The following SLC1A2 variants were observed in gnomAD, a reference collection of about 807,000 sequenced individuals.
The protein encoded by SLC1A2 is excitatory amino acid transporter 2.
In SLC1A2, 15 loss-of-function variants were observed where a neutral mutation model predicts 48.8. That is an observed-to-expected ratio of 0.31 (90% CI 0.21 to 0.47). The LOEUF (loss-of-function observed/expected upper bound fraction) is 0.47. SLC1A2 is among the 20% of genes least tolerant of loss of function. The pLI is 0.99. For synonymous variants in SLC1A2, 279 were observed against 272.6 expected (o/e 1.02, Z -0.23); for missense variants, 502 against 730.5 (o/e 0.69, Z 3.61).
chr11:35,311,754 G>T (rs1270423357), intron 4 of SLC1A2, among the ~76,000 whole-genome samples: 1 of 151,764 alleles, frequency 6.6e-6, no homozygotes, highest in African/African-American at 2.4e-5. Flanking sequence ...CCACGTTTGA[G>T]AACCACTGTG....
chr11:35,317,811 T>G (rs1247421939), intron 1 of SLC1A2, among the ~76,000 whole-genome samples: 1 of 152,198 alleles, frequency 6.6e-6, no homozygotes, highest in South Asian at 2.1e-4. Flanking sequence ...GAGCCTTTAC[T>G]TGAGTCTTGA....
At chr11:35,403,901 CAT>C (rs1471461846) in intron 1 of SLC1A2, among the ~76,000 whole-genome samples, 1 of 152,232 alleles carries the variant, frequency 6.6e-6, no homozygotes, top group Non-Finnish European at 1.5e-5. Flanking sequence ...GGAACATCTT[CAT>C]CTTGCTGGCT....
chr11:35,394,217 A>T (rs1854880433), intron 1 of SLC1A2, among the ~76,000 whole-genome samples: 1 of 151,996 alleles, frequency 6.6e-6, no homozygotes, highest in Admixed American at 6.6e-5. Flanking sequence ...GTTGCAGCAA[A>T]GGCCTGAGGT....
chr11:35,284,103 ATATATATAAAT>A (rs1359579515), intron 8 of SLC1A2, among the ~76,000 whole-genome samples: 8 of 143,266 alleles, frequency 5.6e-5, no homozygotes, highest in Non-Finnish European at 1.2e-4. Flanking sequence ...ATATATATAT[ATATATATAAAT>A]TATTATTTTG....
chr11:35,368,397 G>T (rs1223259631), intron 1 of SLC1A2, among the ~76,000 whole-genome samples: 1 of 152,138 alleles, frequency 6.6e-6, no homozygotes, highest in Admixed American at 6.5e-5. Flanking sequence ...CTGCAAAATG[G>T]GGATAATCAT....
At position 35,255,121 on chromosome 11, in the gene SLC1A2, A is replaced by AG. The variant is rs1383396976; in HGVS notation, c.*5772dup. The AG allele has an allele frequency of 2.6e-5, 7 of 265,810 alleles. No individual in the cohort carries two copies. The highest frequency in any genetic ancestry group is 5.2e-5 in the Non-Finnish European group (7 of 135,884). 16.5% of individuals were successfully genotyped at this position (265,810 alleles called of 1,614,324 possible). A position where few individuals can be genotyped will look rare whatever the true frequency, so the allele number is the denominator to read the frequency against. Reference sequence around the variant, plus strand: ...ACATCTTGCCCTTGCAAACCTGAAGAGCTGAAGTCTTCTCTGACAACAAAG... The same window carrying AG: ...ACATCTTGCCCTTGCAAACCTGAAGAGGCTGAAGTCTTCTCTGACAACAAAG... On this transcript the variant is annotated 3_prime_UTR_variant, in exon 11 of 11. Transcript: ENST00000278379.
chr11:35,410,368 C>T (rs1855422943), intron 1 of SLC1A2, among the ~76,000 whole-genome samples: 1 of 152,178 alleles, frequency 6.6e-6, no homozygotes, highest in Non-Finnish European at 1.5e-5. Context: ...AACAATAGAT[C>T]ACTTAATGTT....
At chr11:35,392,949 T>TA (rs1164080238) in intron 1 of SLC1A2, among the ~76,000 whole-genome samples, 2 of 152,354 alleles carry the variant, frequency 1.3e-5, no homozygotes, top group South Asian at 2.1e-4. Flanking sequence ...AGCACCTATA[T>TA]ACCTATATGT....
intron 1 of SLC1A2, among the ~76,000 whole-genome samples, chr11:35,337,188 G>C (rs1377327076): frequency 6.6e-6 from 1 of 152,032 alleles, no homozygotes. Context: ...ACTGAGTACA[G>C]AGAAAAGTGC....
chr11:35,358,133 G>C (rs897099794), intron 1 of SLC1A2, among the ~76,000 whole-genome samples: 5 of 150,882 alleles, frequency 3.3e-5, no homozygotes, highest in African/African-American at 1.2e-4. Flanking sequence ...AACAGAGCAA[G>C]ACTCCGTCTA....
At chr11:35,344,207 T>C (rs1013754214) in intron 1 of SLC1A2, among the ~76,000 whole-genome samples, 2 of 152,192 alleles carry the variant, frequency 1.3e-5, no homozygotes, top group African/African-American at 2.4e-5. Flanking sequence ...GAGGCTTACA[T>C]ACTGAAAGAG....
At chr11:35,345,415 T>A (rs1193316572) in intron 1 of SLC1A2, among the ~76,000 whole-genome samples, 3 of 152,356 alleles carry the variant, frequency 2.0e-5, no homozygotes, top group Middle Eastern at 3.4e-3. Flanking sequence ...TTGCACTGTC[T>A]GAAGATCACA....
chr11:35,406,799 A>G (rs1345986998), intron 1 of SLC1A2, among the ~76,000 whole-genome samples: 2 of 152,196 alleles, frequency 1.3e-5, no homozygotes, highest in East Asian at 3.8e-4. Context: ...ACATCTATGC[A>G]TTGCACAAAT....
upstream of SLC1A2, chr11:35,420,183 C>A (rs1172710648): frequency 1.6e-5 from 3 of 185,964 alleles, no homozygotes; most frequent in Non-Finnish European, 3.4e-5. Flanking sequence ...TCGTGGGTGC[C>A]GGCTGAGAAG....
intron 8 of SLC1A2, 109 bp from the exon 9 acceptor site, chr11:35,281,110 A>C: frequency 7.1e-7 from 1 of 1,401,536 alleles, no homozygotes; most frequent in Non-Finnish European, 9.4e-7. Context: ...TCATCCCCCA[A>C]CCCCCACCCC....
chr11:35,323,171 C>T (rs1490356962), intron 1 of SLC1A2: 1 of 236,418 alleles, frequency 4.2e-6, no homozygotes, highest in African/African-American at 2.3e-5. Context: ...ACTTCACAAA[C>T]CTCTTTTCTA....
In SLC1A2 at chr11:35,254,767, G is replaced by C; in HGVS notation, c.*6127C>G. The stretch of plus-strand genomic sequence containing the variant: ...ACTTCTGACTCTACAAAGCAGTGAG[G>C]TCTGTTCCAATAGCTGGTTTTATTC... On this transcript the variant is annotated 3_prime_UTR_variant, in exon 11 of 11. Transcript: ENST00000278379. 1 of 456,110 alleles carries C rather than the reference G, an allele frequency of 2.2e-6. No homozygotes were observed. The highest frequency in any genetic ancestry group is 1.5e-5 in the South Asian group (1 of 64,534). The allele number at this position is 456,110 out of a possible 1,614,324, so 28.3% of individuals were successfully genotyped here.
chr11:35,392,246 G>A (rs866074932), intron 1 of SLC1A2: 14 of 152,152 alleles, frequency 9.2e-5, no homozygotes, highest in African/African-American at 3.4e-4. Flanking sequence ...CTGGTTTAAG[G>A]TGCACATTTT....
intron 1 of SLC1A2, among the ~76,000 whole-genome samples, chr11:35,417,584 A>G (rs1382613181): frequency 6.6e-6 from 1 of 152,216 alleles, no homozygotes; most frequent in East Asian, 1.9e-4. Context: ...CTGTTTTAGC[A>G]CAAGGTACCA....
Sources: allele counts gnomAD v4.1 joint callset (sites outside exome capture counted in the v4.1 genomes callset), GRCh38; gene constraint gnomAD v4.1.1; transcripts MANE v1.5; gene names NCBI Gene and HGNC (gene_info 2026-07-23, HGNC 2026-07-21).